BRF2: variants seen among roughly 807,000 people sequenced by gnomAD.
BRF2 encodes the protein transcription factor IIIB 50 kDa subunit.
BRF2 carries 17 observed loss-of-function variants against 26.6 expected under a neutral mutation model. The ratio of observed to expected loss-of-function variants is 0.64; its 90% CI spans 0.44 to 0.96. The LOEUF is 0.96. BRF2 is among the 40% of genes least tolerant of loss of function. The probability of loss-of-function intolerance (pLI) is 0.00; values close to 1 mark genes in which losing one functional copy is unlikely to be tolerated. For missense variants in BRF2, 515 were observed against 537.0 expected (o/e 0.96, Z 0.40); for synonymous variants, 219 against 226.6 (o/e 0.97, Z 0.30).
Position 37,849,823 on chromosome 8 carries a change from T to G in BRF2, c.-40A>C. Reference sequence around the variant, plus strand: ...CAAAGCCGCGGAAGCCTTCAGAGACTCCTGGGTCTGCAACAGCAACCGTGA... The same window carrying G: ...CAAAGCCGCGGAAGCCTTCAGAGACGCCTGGGTCTGCAACAGCAACCGTGA... On this transcript the variant is annotated 5_prime_UTR_variant, in exon 1 of 4. Coordinates refer to ENST00000220659, the MANE Select transcript of BRF2 (RefSeq NM_018310.4). 1 of 1,562,618 alleles carries G rather than the reference T, an allele frequency of 6.4e-7. No individual in the cohort carries two copies. The highest frequency in any genetic ancestry group is 8.6e-7 in the Non-Finnish European group (1 of 1,157,340).
rs1165472769 is a variant in BRF2, at chr8:37,848,650, T to A, written c.160A>T (p.Thr54Ser). The change falls in exon 2 of 4, where the codon ACA becomes TCA. Residue 54 changes from threonine to serine, a missense_variant. Thr to Ser is a moderately conservative substitution (Grantham distance 58, BLOSUM62 1). Coordinates refer to ENST00000220659, the MANE Select transcript of BRF2 (RefSeq NM_018310.4). ...TTTTCCCCTGTGCTTCGGGAATATG[T>A]TACCTCTGTAAGATAATAAACAACA... ...FSDEGNLREVTYSRSTGENEQ... is the reference protein window; with the variant it reads ...FSDEGNLREVSYSRSTGENEQ... 1.9e-6 allele frequency: 3 copies of A among 1,613,554 alleles called. No homozygotes were observed. Among genetic ancestry groups the A allele is most frequent in the Non-Finnish European group, 2.5e-6 (3 of 1,179,530 alleles).
At chr8:37,845,703 C>T (rs1805944307) in intron 3 of BRF2, 3 of 700,522 alleles carry the variant, frequency 4.3e-6, no homozygotes, top group Admixed American at 4.0e-5. Context: ...TTGGGAGGAT[C>T]AGGTGGGCAG....
rs1276279363 is a variant in BRF2 at position 37,848,607 on chromosome 8, C to G, written c.203G>C (p.Ser68Thr). 1.2e-6 allele frequency: 2 copies of G among 1,614,174 alleles called. No homozygotes were observed. Among genetic ancestry groups the G allele is most frequent in the South Asian group, 2.2e-5 (2 of 91,080 alleles). Residue 68 changes from serine to threonine, a missense_variant, in exon 2 of 4, where the codon AGC becomes ACC. By Grantham distance (58) the Ser-to-Thr change is moderately conservative. Transcript: ENST00000220659. ...AGGTCAATTCTCACCTCGTTGCTGG[C>G]TGCGACTAACTTGTTCGTTTTCCCC... ...STGENEQVSR[S>T]QQRGLRRVRD...
At position 37,844,936 on chromosome 8, in the gene BRF2, C is replaced by T. The variant is rs202236126; in HGVS notation, c.814G>A (p.Val272Met). 1.2e-6 allele frequency: 2 copies of T among 1,614,190 alleles called. No individual in the cohort carries two copies. The highest frequency in any genetic ancestry group is 1.7e-6 in the Non-Finnish European group (2 of 1,180,042). Residue 272 changes from valine (V) to methionine (M), a missense_variant, in exon 4 of 4, where the codon GTG (valine) becomes ATG (methionine). Physicochemically the swap from Val to Met is conservative, Grantham distance 21. Coordinates refer to ENST00000220659, the MANE Select transcript of BRF2 (RefSeq NM_018310.4). ...AGCTGCTCAGCCATCCGCAGCAGCA[C>T]AGCCAGCAGCTCCTGCAGGCGGGAG... ...ASSRLQELLA[V>M]LLRMAEQLAW...
At position 37,846,981 on chromosome 8, in the gene BRF2, C is replaced by G. The variant is rs1324250700; in HGVS notation, c.409G>C (p.Ala137Pro). The part of the protein sequence containing the change: ...RQHNWPLTMG[A>P]ICTLLYADLD... ...TCTGCATACAACAGCGTGCAGATGGCCCCCATTGTTAGGGGCCAGTTATGC... is the reference window on the plus strand; with the variant it reads ...TCTGCATACAACAGCGTGCAGATGGGCCCCATTGTTAGGGGCCAGTTATGC... Residue 137 changes from alanine (A) to proline (P), a missense_variant, in exon 3 of 4, where the codon GCC becomes CCC. By Grantham distance (27) the Ala-to-Pro change is conservative (BLOSUM62 -1). Coordinates refer to ENST00000220659, the MANE Select transcript of BRF2 (RefSeq NM_018310.4). 2 of 1,614,146 alleles carry G rather than the reference C, an allele frequency of 1.2e-6. No homozygotes were observed. The highest frequency in any genetic ancestry group is 1.7e-6 in the Non-Finnish European group (2 of 1,179,992).
intron 3 of BRF2, among the ~76,000 whole-genome samples, chr8:37,846,508 A>G (rs1303150298): frequency 6.6e-6 from 1 of 152,120 alleles, no homozygotes; most frequent in Non-Finnish European, 1.5e-5. Context: ...TAATCCCAGA[A>G]CTTTGGGAGG....
chr8:37,843,910 G>A lies in BRF2; in HGVS notation c.*580C>T, dbSNP rs1052061779. Reference sequence around the variant, plus strand: ...TTAAGAACTCGGGTTTTATACAATAGAATGTTTTCTAGCAGATGCCTCTTG... The same window carrying A: ...TTAAGAACTCGGGTTTTATACAATAAAATGTTTTCTAGCAGATGCCTCTTG... On this transcript the variant is annotated 3_prime_UTR_variant, in exon 4 of 4. Transcript: ENST00000220659. 1 of 153,104 alleles carries A rather than the reference G, an allele frequency of 6.5e-6. No homozygotes were observed. The highest frequency in any genetic ancestry group is 1.5e-5 in the Non-Finnish European group (1 of 68,444). The allele number at this position is 153,104 out of a possible 1,614,324, so 9.5% of individuals were successfully genotyped here. A position where few individuals can be genotyped will look rare whatever the true frequency, so the allele number is the denominator to read the frequency against.
chr8:37,846,715 T>C (rs1407504594), intron 3 of BRF2, 139 bp downstream of exon 3: 2 of 684,290 alleles, frequency 2.9e-6, no homozygotes, highest in African/African-American at 3.6e-5. Flanking sequence ...TGCAGTGAGC[T>C]GAGATCGTGC....
chr8:37,849,851 C>A lies in BRF2; in HGVS notation c.-68G>T, dbSNP rs776009680. On this transcript the variant is annotated 5_prime_UTR_variant, in exon 1 of 4. Transcript: ENST00000220659. ...TGGGTCTGCAACAGCAACCGTGAGG[C>A]AGCAAGAAGTAGGAGGGGACACTTC... 1.5e-4 allele frequency: 214 copies of A among 1,472,870 alleles called. No homozygotes were observed. The highest frequency in any genetic ancestry group is 1.9e-4 in the Non-Finnish European group (207 of 1,098,110). 91.2% of individuals were successfully genotyped at this position (1,472,870 alleles called of 1,614,324 possible).
Position 37,848,610 on chromosome 8 carries a change from C to T in BRF2, c.200G>A (p.Arg67His), listed in dbSNP as rs896018342. 21 of 1,613,926 alleles carry T rather than the reference C, an allele frequency of 1.3e-5. No individual in the cohort carries two copies. The highest frequency in any genetic ancestry group is 2.2e-5 in the South Asian group (2 of 91,084). ...RSTGENEQVS[R>H]SQQRGLRRVR... Reference sequence around the variant, plus strand: ...TCAATTCTCACCTCGTTGCTGGCTGCGACTAACTTGTTCGTTTTCCCCTGT... The same window carrying T: ...TCAATTCTCACCTCGTTGCTGGCTGTGACTAACTTGTTCGTTTTCCCCTGT... Residue 67 changes from arginine to histidine, a missense_variant, in exon 2 of 4, where the codon CGC becomes CAC. By Grantham distance (29) the Arg-to-His change is conservative. Transcript: ENST00000220659.
intron 3 of BRF2, chr8:37,845,917 T>C: frequency 3.5e-6 from 2 of 574,974 alleles, no homozygotes. Context: ...ACAAAGCCCA[T>C]GGCACAGCAC....
At position 37,845,018 on chromosome 8, in the gene BRF2, T is replaced by C; in HGVS notation, c.732A>G (p.Ser244=). The change falls in exon 4 of 4, where the codon TCA becomes TCG. Residue 244 remains serine, a synonymous_variant. Transcript: ENST00000220659. ...ATTTACAAAATCGGGCAAGGGAACATGAAAGCCGATCTGCAGGCTGCAGCG... is the reference window on the plus strand; with the variant it reads ...ATTTACAAAATCGGGCAAGGGAACACGAAAGCCGATCTGCAGGCTGCAGCG... ...WQSLQPADRL[S]CSLARFCKLA... 4 of 1,613,920 alleles carry C rather than the reference T, an allele frequency of 2.5e-6. No individual in the cohort carries two copies. The highest frequency in any genetic ancestry group is 3.4e-6 in the Non-Finnish European group (4 of 1,179,990).
chr8:37,846,117 G>T (rs1410645285), intron 3 of BRF2, among the ~76,000 whole-genome samples: 1 of 152,206 alleles, frequency 6.6e-6, no homozygotes, highest in Non-Finnish European at 1.5e-5. Flanking sequence ...GGGAGGCTGA[G>T]GTGGGTAGAA....
chr8:37,844,725 G>A lies in BRF2; in HGVS notation c.1025C>T (p.Ser342Phe), dbSNP rs1375445675. 1.2e-6 allele frequency: 2 copies of A among 1,614,058 alleles called. No individual in the cohort carries two copies. The highest frequency in any genetic ancestry group is 3.3e-5 in the Admixed American group (2 of 60,008). ...CCGCTTCCCCTGGGGTAAACCTAAG[G>A]AATTATTTCCCACCTCCCCTTCTCC... Reference protein sequence around the residue: ...GQGEGEVGNNSLGLPQGKRPA... With the variant: ...GQGEGEVGNNFLGLPQGKRPA... The change falls in exon 4 of 4, where the codon TCC (serine) becomes TTC (phenylalanine). Residue 342 changes from serine (S) to phenylalanine (F), a missense_variant. Physicochemically the swap from Ser to Phe is radical, Grantham distance 155. Transcript: ENST00000220659.
intron 1 of BRF2, 51 bp downstream of exon 1, chr8:37,849,579 T>G: frequency 6.1e-6 from 9 of 1,476,490 alleles, no homozygotes; most frequent in Non-Finnish European, 8.4e-6. Context: ...GCAAAAGGAA[T>G]CTGATGTTAA....
chr8:37,846,347 CA>C (rs907838357), intron 3 of BRF2, among the ~76,000 whole-genome samples: 1 of 150,628 alleles, frequency 6.6e-6, no homozygotes, highest in African/African-American at 2.4e-5. Context: ...GACTCGGTCT[CA>C]AAAAAAAGAA....
rs140546893 is a variant in BRF2, at chr8:37,844,790, C to G, written c.960G>C (p.Glu320Asp). The change falls in exon 4 of 4, where the codon GAG becomes GAC. Residue 320 changes from glutamate (E) to aspartate (D), a missense_variant. By Grantham distance (45) the Glu-to-Asp change is conservative (BLOSUM62 2). Transcript: ENST00000220659. Reference sequence around the variant, plus strand: ...ACCCCGGTGGCTCCTTCTCTCGGGTCTCCACTTCTGCTGTCCCATCCCGAA... The same window carrying G: ...ACCCCGGTGGCTCCTTCTCTCGGGTGTCCACTTCTGCTGTCCCATCCCGAA... ...SAFRDGTAEVETREKEPPGWG... is the reference protein window; with the variant it reads ...SAFRDGTAEVDTREKEPPGWG... 1.7e-4 allele frequency: 282 copies of G among 1,614,074 alleles called. 2 individuals are homozygous for G. In the African/African-American group the frequency reaches 2.9e-3, roughly 17 times the overall value.
chr8:37,845,132 C>T lies in BRF2; in HGVS notation c.618G>A (p.Gln206=). 1.2e-6 allele frequency: 2 copies of T among 1,613,768 alleles called. No homozygotes were observed. The highest frequency in any genetic ancestry group is 1.7e-6 in the Non-Finnish European group (2 of 1,179,926). The change falls in exon 4 of 4, where the codon CAG becomes CAA. Residue 206 remains glutamine, a synonymous_variant. Transcript: ENST00000220659. The part of the protein sequence containing the change: ...DKEKMLSRTM[Q]LVELANETWL... ...ACGTCTCATTTGCCAGCTCCACCAA[C>T]TGCATTGTTCGAGACAGCATCTTCT...
rs778939452 is a variant in BRF2, at chr8:37,844,516, C to A, written c.1234G>T (p.Ala412Ser). 11 of 1,613,236 alleles carry A rather than the reference C, an allele frequency of 6.8e-6. No individual in the cohort carries two copies. In the African/African-American group the frequency reaches 1.5e-4, roughly 22 times the overall value. ...CAGGGAGGGTTAGGGACACTCGTGG[C>A]AGCCTGTCTAGCAGCCTGGGCTCTC... The part of the protein sequence containing the change: ...FQRAQAARQA[A>S]TSVPNPP The change falls in exon 4 of 4, where the codon GCC (alanine) becomes TCC (serine). Residue 412 changes from alanine to serine, a missense_variant. Coordinates refer to ENST00000220659, the MANE Select transcript of BRF2 (RefSeq NM_018310.4).
Sources: allele counts gnomAD v4.1 joint callset (sites outside exome capture counted in the v4.1 genomes callset), GRCh38; gene constraint gnomAD v4.1.1; transcripts MANE v1.5; gene names NCBI Gene and HGNC (gene_info 2026-07-23, HGNC 2026-07-21).